The following PCDH1 variants were observed in gnomAD, a reference collection of about 807,000 sequenced individuals.
The protein encoded by PCDH1 is protocadherin 1, also known as protocadherin-1.
A neutral mutation model predicts 74.6 loss-of-function variants in PCDH1; 23 were observed. That is an observed-to-expected ratio of 0.31 (90% CI 0.22 to 0.44). The LOEUF (loss-of-function observed/expected upper bound fraction) is 0.44. Among genes scored for constraint, PCDH1 ranks in the 20% least tolerant of loss-of-function variants. PCDH1 has a pLI of 1.00. For missense variants in PCDH1, 1,214 were observed against 1,641.4 expected, an observed-to-expected ratio of 0.74 and a Z score of 4.50; for synonymous variants, 647 against 686.1, an observed-to-expected ratio of 0.94 and a Z score of 0.89.
chr5:141,858,240 A>C (rs1484513377), intron 3 of PCDH1, among the ~76,000 whole-genome samples: 1 of 152,096 alleles, frequency 6.6e-6, no homozygotes, highest in East Asian at 1.9e-4. Flanking sequence ...CTGGGAGTGG[A>C]AAAAAAGGGA....
chr5:141,865,315 A>G lies in PCDH1; in HGVS notation c.1016T>C (p.Ile339Thr), dbSNP rs772953751. ...ACGGTCCACCGGGCCCTGAACAGTG[A>G]TAAGTCCAGTGTTCCTGTCCAGTCG... ...LLRLDRNTGL[I>T]TVQGPVDRED... Residue 339 changes from isoleucine (I) to threonine (T), a missense_variant, in exon 3 of 5, where the codon ATC becomes ACC. Physicochemically the swap from Ile to Thr is moderately conservative, Grantham distance 89 (BLOSUM62 -1). Around this residue, in one of 4 missense-constraint regions of PCDH1, gnomAD observed 836 missense variants for 1,182.2 expected, o/e 0.71. Coordinates refer to ENST00000287008, the MANE Select transcript of PCDH1 (RefSeq NM_032420.5). The surrounding 1 kb of genome is among the most constrained non-coding windows in gnomAD (Gnocchi z 4.4). The G allele has an allele frequency of 3.7e-6, 6 of 1,614,074 alleles. No individual in the cohort carries two copies. Among genetic ancestry groups the G allele is most frequent in the Admixed American group, 3.3e-5 (2 of 59,998 alleles).
intron 3 of PCDH1, among the ~76,000 whole-genome samples, chr5:141,860,928 C>T (rs1455960065): frequency 6.6e-6 from 1 of 151,976 alleles, no homozygotes; most frequent in African/African-American, 2.4e-5. Context: ...CCAGCCTGAC[C>T]AACATGGAGA....
Position 141,863,422 on chromosome 5 carries a change from C to A in PCDH1, c.2909G>T (p.Arg970Leu), listed in dbSNP as rs572369161. ...GATGGAAGGCAGTGGGGAGTTAGAGCGATAGTGGCGGCCCAGGTCAGGGCT... is the reference window on the plus strand; with the variant it reads ...GATGGAAGGCAGTGGGGAGTTAGAGAGATAGTGGCGGCCCAGGTCAGGGCT... Reference protein sequence around the residue: ...PGSPDLGRHYRSNSPLPSIQL... With the variant: ...PGSPDLGRHYLSNSPLPSIQL... Residue 970 changes from arginine (R) to leucine (L), a missense_variant, in exon 3 of 5, where the codon CGC becomes CTC. Physicochemically the swap from Arg to Leu is moderately radical, Grantham distance 102. Coordinates refer to ENST00000287008, the MANE Select transcript of PCDH1 (RefSeq NM_032420.5). The surrounding 1 kb of genome is among the most constrained non-coding windows in gnomAD (Gnocchi z 7.5). The A allele has an allele frequency of 1.3e-6, 2 of 1,561,998 alleles. No individual in the cohort carries two copies. Among genetic ancestry groups the A allele is most frequent in the South Asian group, 1.2e-5 (1 of 81,352 alleles).
chr5:141,878,255 C>T lies in PCDH1; in HGVS notation c.8G>A (p.Ser3Asn), dbSNP rs918064256. 1.2e-4 allele frequency: 163 copies of T among 1,361,076 alleles called. No homozygotes were observed. The African/African-American group carries it at 1.9e-3, about 16-fold the overall frequency. 84.3% of individuals were successfully genotyped at this position (1,361,076 alleles called of 1,614,324 possible). Reference sequence around the variant, plus strand: ...CGGGCAGCGCCGGCCGCCCGCCCCGCTGTCCATGAGCCGCCGCCGGCCCCG... The same window carrying T: ...CGGGCAGCGCCGGCCGCCCGCCCCGTTGTCCATGAGCCGCCGCCGGCCCCG... MDSGAGGRRCPEA... is the reference protein window; with the variant it reads MDNGAGGRRCPEA... Residue 3 changes from serine to asparagine, a missense_variant, in exon 1 of 5, where the codon AGC (serine) becomes AAC (asparagine). This residue lies in a region of PCDH1 where 87 missense variants were observed against 87.7 expected (regional missense o/e 0.99). Transcript: ENST00000287008. This position sits in a 1 kb window ranked among gnomAD's most constrained non-coding sequence, Gnocchi z 5.5.
rs755794322 is a variant in PCDH1 at position 141,869,025 on chromosome 5, G to C, written c.447C>G (p.Pro149=). Residue 149 remains proline, a synonymous_variant, in exon 2 of 5, where the codon CCC becomes CCG. Transcript: ENST00000287008. This position sits in a 1 kb window ranked among gnomAD's most constrained non-coding sequence, Gnocchi z 4.9. ...CTTCTATCTGGCCCTCTAGCAGCCG[G>C]GGGCTGCCATTCTGCACGAGGTCTG... ...SITDLVQNGS[P]RLLEGQIEVQ... is the part of the protein sequence containing the mutation. 4 of 1,614,118 alleles carry C rather than the reference G, an allele frequency of 2.5e-6. No individual in the cohort carries two copies. Among genetic ancestry groups the C allele is most frequent in the South Asian group, 1.1e-5 (1 of 91,088 alleles).
At chr5:141,858,654 C>T (rs1379258474) in intron 3 of PCDH1, among the ~76,000 whole-genome samples, 1 of 152,194 alleles carries the variant, frequency 6.6e-6, no homozygotes, top group Non-Finnish European at 1.5e-5. Context: ...CAAATACCCA[C>T]TTGGGACTGC....
chr5:141,868,367 C>A lies in PCDH1; in HGVS notation c.903+202G>T. Reference sequence around the variant, plus strand: ...TGTTCATATGCTATTTCACTGTCACCTAAGTAGCCTGATAGAGGAAAGTAA... The same window carrying A: ...TGTTCATATGCTATTTCACTGTCACATAAGTAGCCTGATAGAGGAAAGTAA... On this transcript the variant is annotated intron_variant, in intron 2 of 4. Coordinates refer to ENST00000287008, the MANE Select transcript of PCDH1 (RefSeq NM_032420.5). The surrounding 1 kb of genome is among the most constrained non-coding windows in gnomAD (Gnocchi z 4.8). 7.5e-7 allele frequency: 1 copy of A among 1,334,688 alleles called. No individual in the cohort carries two copies. Among genetic ancestry groups the A allele is most frequent in the Non-Finnish European group, 9.6e-7 (1 of 1,042,168 alleles). The allele number at this position is 1,334,688 out of a possible 1,614,324, so 82.7% of individuals were successfully genotyped here.
intron 1 of PCDH1, among the ~76,000 whole-genome samples, chr5:141,873,613 ATTTTTTT>A (rs34468568): frequency 8.2e-6 from 1 of 122,526 alleles, no homozygotes; most frequent in Non-Finnish European, 1.7e-5. Context: ...TGCCCAGCTA[ATTTTTTT>A]TTTTTTTTTT....
chr5:141,864,571 C>T lies in PCDH1; in HGVS notation c.1760G>A (p.Arg587Gln), dbSNP rs778882581. Residue 587 changes from arginine (R) to glutamine (Q), a missense_variant, in exon 3 of 5, where the codon CGG (arginine) becomes CAG (glutamine). Around this residue, in one of 4 missense-constraint regions of PCDH1, gnomAD observed 836 missense variants for 1,182.2 expected, o/e 0.71. Coordinates refer to ENST00000287008, the MANE Select transcript of PCDH1 (RefSeq NM_032420.5). The surrounding 1 kb of genome is among the most constrained non-coding windows in gnomAD (Gnocchi z 5.9). ...TGTGCCCTGGAGGCTAGGACTGCCC[C>T]GGTCAGCTGCCACCACCTTCAACTC... ...SYELKVVAAD[R>Q]GSPSLQGTAT... 31 of 1,613,782 alleles carry T rather than the reference C, an allele frequency of 1.9e-5. No homozygotes were observed. Among genetic ancestry groups the T allele is most frequent in the African/African-American group, 9.3e-5 (7 of 74,918 alleles).
At chr5:141,876,317 C>T (rs1044587999) in intron 1 of PCDH1, among the ~76,000 whole-genome samples, 2 of 152,160 alleles carry the variant, frequency 1.3e-5, no homozygotes, top group Non-Finnish European at 2.9e-5. Context: ...CGGGGAATCC[C>T]TCCTCCCCGG....
rs748245558 is a variant in PCDH1 at position 141,865,247 on chromosome 5, G to A, written c.1084C>T (p.Arg362Ter). ...CGGGCACTCTTGGGGTTGGTGCCTC[G>A]GTCCTTAGCAAGCACTGAGAAGCGC... ...TLRFSVLAKD[R>*]GTNPKSARAQ... Residue 362 changes from arginine to a stop codon, truncating the protein, a stop_gained, in exon 3 of 5, where the codon CGA (arginine) becomes TGA (stop). Coordinates refer to ENST00000287008, the MANE Select transcript of PCDH1 (RefSeq NM_032420.5). LOFTEE classifies it high-confidence loss of function. The surrounding 1 kb of genome is among the most constrained non-coding windows in gnomAD (Gnocchi z 4.4). The A allele has an allele frequency of 1.9e-6, 3 of 1,614,116 alleles. No individual in the cohort carries two copies. The highest frequency in any genetic ancestry group is 1.7e-6 in the Non-Finnish European group (2 of 1,180,006).
At chr5:141,867,474 T>C (rs749192571) in intron 2 of PCDH1, 15 of 420,656 alleles carry the variant, frequency 3.6e-5, no homozygotes, top group Non-Finnish European at 6.5e-5. Context: ...ACTTACCTTG[T>C]ACTGTAAGGA....
rs199652228 is a variant in PCDH1 at position 141,869,348 on chromosome 5, T to A, written c.124A>T (p.Met42Leu). ...PGGQRLLLPS[M>L]LLALLLLLAP... ...AGCAGGAGCAGCAGTGCTAGCAGCATGGAGGGCAGCAGTAGCCGTTGCCCC... is the reference window on the plus strand; with the variant it reads ...AGCAGGAGCAGCAGTGCTAGCAGCAAGGAGGGCAGCAGTAGCCGTTGCCCC... Residue 42 changes from methionine (M) to leucine (L), a missense_variant, in exon 2 of 5, where the codon ATG becomes TTG. Met to Leu is a conservative substitution (Grantham distance 15, BLOSUM62 2). Transcript: ENST00000287008. This position sits in a 1 kb window ranked among gnomAD's most constrained non-coding sequence, Gnocchi z 4.9. The A allele has an allele frequency of 7.1e-5, 114 of 1,598,086 alleles. 2 individuals carry two copies. The highest frequency in any genetic ancestry group is 1.1e-5 in the Non-Finnish European group (13 of 1,174,342).
At chr5:141,867,954 C>T (rs1327636335) in intron 2 of PCDH1, among the ~76,000 whole-genome samples, 1 of 152,190 alleles carries the variant, frequency 6.6e-6, no homozygotes, top group Admixed American at 6.5e-5. Context: ...GGAAATTGAC[C>T]CCCCACTGAA....
intron 4 of PCDH1, chr5:141,856,191 C>T (rs1318495703): frequency 6.5e-7 from 1 of 1,534,024 alleles, no homozygotes; most frequent in Non-Finnish European, 8.7e-7. Flanking sequence ...CAGAGTCCCA[C>T]AGACCCCAGA....
rs998319953 is a variant in PCDH1, at chr5:141,860,663, G to A, written c.3099+2569C>T. Among the ~76,000 whole-genome samples the A allele has an allele frequency of 4.6e-5, 7 of 152,010 alleles. No homozygotes were observed. The South Asian group carries it at 1.0e-3, about 23-fold the overall frequency. On this transcript the variant is annotated intron_variant, in intron 3 of 4. Transcript: ENST00000287008. The stretch of plus-strand genomic sequence containing the variant: ...TAGCATAATAGGTAATAGGAGACCC[G>A]CCTGCTTTGTGTTTGAATTTGGCTG...
intron 1 of PCDH1, among the ~76,000 whole-genome samples, chr5:141,876,351 C>T (rs1190180771): frequency 6.6e-6 from 1 of 152,210 alleles, no homozygotes; most frequent in Non-Finnish European, 1.5e-5. Context: ...GGCCTAGGGT[C>T]CCCCGCAAGC....
chr5:141,857,338 C>T lies in PCDH1; in HGVS notation c.3233G>A (p.Arg1078Gln). ...CTCAGGCAGGGCCAGGGGACCGAGT[C>T]GAGGCCCTGAGGATGACTTGCTGGA... is the stretch of plus-strand genomic sequence containing the variant. Reference protein sequence around the residue: ...TPSSKSSSGPRLGPLALPEDH... With the variant: ...TPSSKSSSGPQLGPLALPEDH... The change falls in exon 4 of 5, where the codon CGA becomes CAA. Residue 1078 changes from arginine to glutamine, a missense_variant. By Grantham distance (43) the Arg-to-Gln change is conservative. This residue lies in a region of PCDH1 where 836 missense variants were observed against 1,182.2 expected (regional missense o/e 0.71). Coordinates refer to ENST00000287008, the MANE Select transcript of PCDH1 (RefSeq NM_032420.5). The T allele has an allele frequency of 1.2e-6, 2 of 1,613,806 alleles. No individual in the cohort carries two copies. The highest frequency in any genetic ancestry group is 1.3e-5 in the African/African-American group (1 of 75,014).
At chr5:141,858,986 A>T (rs1200985407) in intron 3 of PCDH1, among the ~76,000 whole-genome samples, 1 of 152,036 alleles carries the variant, frequency 6.6e-6, no homozygotes, top group East Asian at 1.9e-4. Flanking sequence ...CCTCCCCACT[A>T]TCCCCATTCC....
Sources: allele counts gnomAD v4.1 joint callset (sites outside exome capture counted in the v4.1 genomes callset), GRCh38; gene constraint gnomAD v4.1.1; regional missense constraint gnomAD v4.1.1; non-coding constraint Gnocchi (gnomAD v3.1); transcripts MANE v1.5; gene names NCBI Gene and HGNC (gene_info 2026-07-23, HGNC 2026-07-21).